DDX60L: variants seen among roughly 807,000 people sequenced by gnomAD.
DDX60L encodes the protein DExD/H-box 60 like.
Under a neutral mutation model 211.6 loss-of-function variants are expected in DDX60L, and 191 were observed. The ratio of observed to expected loss-of-function variants is 0.90; its 90% CI spans 0.80 to 1.02. The LOEUF (loss-of-function observed/expected upper bound fraction) is 1.02, where lower values mean the gene tolerates loss of function less well. DDX60L is among the 50% of genes least tolerant of loss of function. The pLI is 0.00. For missense variants in DDX60L, 2,007 were observed against 1,984.1 expected (o/e 1.01, Z -0.22); for synonymous variants, 706 against 694.1 (o/e 1.02, Z -0.27).
At chr4:168,442,788 G>A (rs1420107634) in intron 9 of DDX60L, among the ~76,000 whole-genome samples, 1 of 151,048 alleles carries the variant, frequency 6.6e-6, no homozygotes, top group Admixed American at 6.6e-5. Context: ...ACACGGCAGG[G>A]TACTCCAACA....
intron 33 of DDX60L, among the ~76,000 whole-genome samples, chr4:168,376,518 T>G (rs1380874398): frequency 1.3e-5 from 2 of 152,204 alleles, no homozygotes; most frequent in Non-Finnish European, 2.9e-5. Context: ...TAATAAAGAA[T>G]GCCCCTACCA....
chr4:168,386,792 G>C (rs567912515), intron 29 of DDX60L, among the ~76,000 whole-genome samples: 1 of 152,136 alleles, frequency 6.6e-6, no homozygotes, highest in Non-Finnish European at 1.5e-5. Flanking sequence ...AACAATGACA[G>C]CAGAGAAGAA....
chr4:168,471,780 A>G lies in DDX60L; in HGVS notation c.231T>C (p.Ser77=), dbSNP rs763620102. 1.9e-6 allele frequency: 3 copies of G among 1,607,740 alleles called. No homozygotes were observed. The South Asian group carries it at 3.3e-5, about 18-fold the overall frequency. Residue 77 remains serine (S), a synonymous_variant, in exon 4 of 38, where the codon AGT becomes AGC. Transcript: ENST00000682922. ...LVECYLVDLL[S]NGGQFTIVFF... is the part of the protein sequence containing the mutation. ...AAACTATGGTGAATTGTCCTCCGTTACTCAGAAGATCCACAAGATAGCATT... is the reference window on the plus strand; with the variant it reads ...AAACTATGGTGAATTGTCCTCCGTTGCTCAGAAGATCCACAAGATAGCATT...
At chr4:168,374,291 C>T (rs1335376932) in intron 34 of DDX60L, among the ~76,000 whole-genome samples, 1 of 152,142 alleles carries the variant, frequency 6.6e-6, no homozygotes, top group Admixed American at 6.6e-5. Flanking sequence ...TCTGCATTTG[C>T]TCATGCTGTG....
At chr4:168,458,155 CAT>C (rs1309012794) in intron 5 of DDX60L, 147 bp from the exon 6 acceptor site, 1 of 506,180 alleles carries the variant, frequency 2.0e-6, no homozygotes, top group Non-Finnish European at 3.5e-6. Context: ...CAAGAAACAA[CAT>C]ATGCTGGCGA....
At chr4:168,405,519 A>T (rs974049509) in intron 24 of DDX60L, among the ~76,000 whole-genome samples, 1 of 152,180 alleles carries the variant, frequency 6.6e-6, no homozygotes, top group Admixed American at 6.5e-5. Flanking sequence ...CATCATGTAC[A>T]TGAGTTTCAG....
At position 168,361,172 on chromosome 4, in the gene DDX60L, A is replaced by G; in HGVS notation, c.4968T>C (p.Phe1656=). The G allele has an allele frequency of 6.2e-7, 1 of 1,608,806 alleles. No homozygotes were observed. Residue 1656 remains phenylalanine, a synonymous_variant, in exon 37 of 38, where the codon TTT becomes TTC. Coordinates refer to ENST00000682922, the MANE Select transcript of DDX60L (RefSeq NM_001012967.3). The part of the protein sequence containing the change: ...MGQLLKCLKD[F]AFNIQAISDS... ...ACCTGATAGCCTGAATGTTGAATGCAAAATCTTTCAAACACTTTAAAAGCT... is the reference window on the plus strand; with the variant it reads ...ACCTGATAGCCTGAATGTTGAATGCGAAATCTTTCAAACACTTTAAAAGCT...
At chr4:168,449,641 A>AAAAAAATG in intron 8 of DDX60L, among the ~76,000 whole-genome samples, 1 of 85,888 alleles carries the variant, frequency 1.2e-5, no homozygotes. Flanking sequence ...TTAAAACAAA[A>AAAAAAATG]AAAAAAAATG....
chr4:168,393,769 C>T (rs1282599335), intron 28 of DDX60L, among the ~76,000 whole-genome samples: 1 of 152,124 alleles, frequency 6.6e-6, no homozygotes, highest in Non-Finnish European at 1.5e-5. Context: ...ATGTCTTTCT[C>T]TTAGCTGAGG....
At position 168,441,375 on chromosome 4, in the gene DDX60L, C is replaced by G. The variant is rs1753810008; in HGVS notation, c.1256G>C (p.Arg419Thr). 8 of 1,611,090 alleles carry G rather than the reference C, an allele frequency of 5.0e-6. No individual in the cohort carries two copies. The East Asian group carries it at 1.6e-4, about 32-fold the overall frequency. The change falls in exon 10 of 38, where the codon AGA (arginine) becomes ACA (threonine). Residue 419 changes from arginine (R) to threonine (T), a missense_variant. Transcript: ENST00000682922. ...VGKSFPLRTT[R>T]RHFLRQEKSV... ...TTTCTCTTGTCTAAGAAAATGTCTT[C>G]TTGTTGTTCTCAGAGGAAAAGACTT... is the stretch of plus-strand genomic sequence containing the variant.
chr4:168,457,777 C>G (rs1432045099), intron 6 of DDX60L, 115 bp downstream of exon 6: 1 of 542,652 alleles, frequency 1.8e-6, no homozygotes, highest in Non-Finnish European at 3.2e-6. Context: ...TATACATGTA[C>G]TAAGGAGGTA....
rs745513421 is a variant in DDX60L at position 168,461,873 on chromosome 4, T to C, written c.432A>G (p.Ile144Met). The change falls in exon 5 of 38, where the codon ATA (isoleucine) becomes ATG (methionine). Residue 144 changes from isoleucine to methionine, a missense_variant. Ile to Met is a conservative substitution (Grantham distance 10). Transcript: ENST00000682922. ...AATCACTCAGGCCTTCCTCTGAAAC[T>C]ATCAGAAAATACGGGTAATGCTGTT... ...FLEQHYPYFL[I>M]VSEEGLSDLQ... The C allele has an allele frequency of 6.2e-7, 1 of 1,611,426 alleles. No homozygotes were observed.
chr4:168,400,957 T>C lies in DDX60L; in HGVS notation c.3360A>G (p.Gly1120=). The change falls in exon 26 of 38, where the codon GGA becomes GGG. Residue 1120 remains glycine (G), a synonymous_variant. Coordinates refer to ENST00000682922, the MANE Select transcript of DDX60L (RefSeq NM_001012967.3). ...IFFLFKNDDV[G]KRAGSVCTFL... is the part of the protein sequence containing the mutation. Reference sequence around the variant, plus strand: ...AAGTGCACACACTTCCAGCTCTTTTTCCCACATCATCATTCTTAAACCTTA... The same window carrying C: ...AAGTGCACACACTTCCAGCTCTTTTCCCCACATCATCATTCTTAAACCTTA... 8.7e-6 allele frequency: 14 copies of C among 1,613,796 alleles called. No individual in the cohort carries two copies. Among genetic ancestry groups the C allele is most frequent in the Non-Finnish European group, 1.2e-5 (14 of 1,179,824 alleles).
chr4:168,420,823 C>G (rs186497294), intron 17 of DDX60L, among the ~76,000 whole-genome samples: 72 of 152,286 alleles, frequency 4.7e-4, no homozygotes, highest in African/African-American at 1.6e-3. Flanking sequence ...AGTGCTCTCT[C>G]TGCCTGTGTT....
chr4:168,372,653 G>A (rs180886899), intron 35 of DDX60L, among the ~76,000 whole-genome samples: 16 of 152,088 alleles, frequency 1.1e-4, no homozygotes, highest in East Asian at 9.7e-4. Flanking sequence ...CCTGAGCCCC[G>A]GAAGTTGAGG....
At chr4:168,473,400 G>A (rs1489351242) in intron 1 of DDX60L, among the ~76,000 whole-genome samples, 1 of 152,182 alleles carries the variant, frequency 6.6e-6, no homozygotes, top group Non-Finnish European at 1.5e-5. Flanking sequence ...AAATAGTCCT[G>A]TAGAAAGATG....
intron 37 of DDX60L, among the ~76,000 whole-genome samples, chr4:168,359,516 C>T (rs1157867173): frequency 6.6e-6 from 1 of 152,156 alleles, no homozygotes; most frequent in Non-Finnish European, 1.5e-5. Flanking sequence ...TCATTTCTAC[C>T]ACCACTGCCT....
chr4:168,358,472 A>G (rs903636594), intron 37 of DDX60L, among the ~76,000 whole-genome samples, 196 bp from the exon 38 acceptor site: 4 of 152,032 alleles, frequency 2.6e-5, no homozygotes, highest in Admixed American at 1.3e-4. Context: ...ATCTTGAGAA[A>G]GATAAAGATA....
At chr4:168,477,455 G>A (rs1759734878) in intron 1 of DDX60L, among the ~76,000 whole-genome samples, 1 of 151,450 alleles carries the variant, frequency 6.6e-6, no homozygotes, top group East Asian at 1.9e-4. Context: ...ATTGCATAAT[G>A]GTATAGTGCT....
Sources: gnomAD v4.1 joint callset for allele counts (sites outside exome capture counted in the v4.1 genomes callset) on GRCh38, gnomAD v4.1.1 for gene constraint, MANE v1.5 for transcripts, NCBI Gene and HGNC (gene_info 2026-07-23, HGNC 2026-07-21) for gene names.